CCDC83: variants seen among roughly 807,000 people sequenced by gnomAD.
CCDC83 encodes the protein coiled-coil domain-containing protein 83.
A neutral mutation model predicts 50.1 loss-of-function variants in CCDC83; 54 were observed. The ratio of observed to expected loss-of-function variants is 1.08; its 90% confidence interval spans 0.87 to 1.35. The LOEUF (loss-of-function observed/expected upper bound fraction) is 1.35, where lower values mean the gene tolerates loss of function less well. CCDC83 is among the 40% of genes most tolerant of loss of function. CCDC83 has a pLI of 0.00. For synonymous variants in CCDC83, 161 were observed against 153.3 expected (o/e 1.05, Z -0.37); for missense variants, 518 against 473.9 (o/e 1.09, Z -0.86).
chr11:85,915,441 G>T lies in CCDC83; in HGVS notation c.817G>T (p.Ala273Ser), dbSNP rs1176940489. ...TAGGCGACTATATCTTACCCAAGCT[G>T]CTGGACTAGAAGTGCCACCTGAAGA... ...IPRRLYLTQA[A>S]GLEVPPEEMS... Residue 273 changes from alanine to serine, a missense_variant, in exon 9 of 11, where the codon GCT (alanine) becomes TCT (serine). Ala to Ser is a moderately conservative substitution (Grantham distance 99). Coordinates refer to ENST00000342404, the MANE Select transcript of CCDC83 (RefSeq NM_001286159.2). The T allele has an allele frequency of 6.2e-7, 1 of 1,613,068 alleles. No individual in the cohort carries two copies. Among genetic ancestry groups the T allele is most frequent in the Non-Finnish European group, 8.5e-7 (1 of 1,179,588 alleles).
Position 85,862,514 on chromosome 11 carries a change from G to A in CCDC83, c.-28-2582G>A, listed in dbSNP as rs141548140. On this transcript the variant is annotated intron_variant, in intron 1 of 10. Coordinates refer to ENST00000342404, the MANE Select transcript of CCDC83 (RefSeq NM_001286159.2). Reference sequence around the variant, plus strand: ...CTGTCTTCCTATCTGTCTGAGAAGGGTCTTGCCTCATCTATACTTTATAAT... The same window carrying A: ...CTGTCTTCCTATCTGTCTGAGAAGGATCTTGCCTCATCTATACTTTATAAT... Among the ~76,000 whole-genome samples the A allele has an allele frequency of 2.3e-3, 343 of 152,290 alleles. 1 individual carries two copies. The highest frequency in any genetic ancestry group is 7.8e-3 in the African/African-American group (325 of 41,548).
intron 1 of CCDC83, among the ~76,000 whole-genome samples, chr11:85,856,234 G>A (rs946047023): frequency 1.3e-5 from 2 of 151,748 alleles, no homozygotes; most frequent in East Asian, 3.9e-4. Context: ...ATGACAGAGG[G>A]GAAAAATAAT....
intron 4 of CCDC83, among the ~76,000 whole-genome samples, chr11:85,884,859 TAG>T (rs2093318902): frequency 6.6e-6 from 1 of 152,234 alleles, no homozygotes; most frequent in Non-Finnish European, 1.5e-5. Context: ...ATCTGGCTTA[TAG>T]TAGTACTGAT....
chr11:85,871,025 G>A (rs948106618), intron 2 of CCDC83, among the ~76,000 whole-genome samples: 1 of 152,076 alleles, frequency 6.6e-6, no homozygotes, highest in African/African-American at 2.4e-5. Flanking sequence ...AAATTAGCTG[G>A]GTGTGGTGGC....
Position 85,892,954 on chromosome 11 carries a change from G to A in CCDC83, c.512-2339G>A, listed in dbSNP as rs535552482. The stretch of plus-strand genomic sequence containing the variant: ...AACTCCAAAAACCTAATGAATTCTT[G>A]CTTATGAACTACTGCCTCACTCTAG... On this transcript the variant is annotated intron_variant, in intron 5 of 10. Coordinates refer to ENST00000342404, the MANE Select transcript of CCDC83 (RefSeq NM_001286159.2). 1.3e-5 allele frequency among the ~76,000 whole-genome samples: 2 copies of A among 152,260 alleles called. 1 individual carries two copies. The highest frequency in any genetic ancestry group is 2.9e-5 in the Non-Finnish European group (2 of 68,016).
At position 85,865,467 on chromosome 11, in the gene CCDC83, T is replaced by C. The variant is rs551615812; in HGVS notation, c.95+249T>C. 2.0e-5 allele frequency among the ~76,000 whole-genome samples: 3 copies of C among 152,394 alleles called. No homozygotes were observed. The South Asian group carries it at 6.2e-4, about 32-fold the overall frequency. On this transcript the variant is annotated intron_variant, in intron 2 of 10. Transcript: ENST00000342404. ...TTATGAAATGAAATGAGAGCTGCTA[T>C]GAAACAGCTTTCATTGATGTACTAT...
chr11:85,891,925 C>T (rs56996745), intron 5 of CCDC83, among the ~76,000 whole-genome samples: 2 of 152,112 alleles, frequency 1.3e-5, no homozygotes, highest in African/African-American at 4.8e-5. Context: ...TTCAAATAGT[C>T]CCCCTGAATC....
chr11:85,898,041 C>G (rs2135090556), intron 6 of CCDC83, among the ~76,000 whole-genome samples: 2 of 151,870 alleles, frequency 1.3e-5, no homozygotes, highest in African/African-American at 4.8e-5. Flanking sequence ...GCCTGTAATC[C>G]CAGCTACTCA....
chr11:85,897,286 T>C (rs1403057597), intron 6 of CCDC83, among the ~76,000 whole-genome samples: 1 of 152,234 alleles, frequency 6.6e-6, no homozygotes, highest in Non-Finnish European at 1.5e-5. Flanking sequence ...AGAAGTTTTA[T>C]GACTTGCCTA....
At chr11:85,908,979 G>A (rs1452254303) in intron 7 of CCDC83, among the ~76,000 whole-genome samples, 8 of 152,106 alleles carry the variant, frequency 5.3e-5, no homozygotes, top group Non-Finnish European at 1.2e-4. Context: ...TGTCACCTGG[G>A]CTGAAGTGTC....
At chr11:85,881,982 G>T (rs1369393048) in intron 3 of CCDC83, among the ~76,000 whole-genome samples, 1 of 152,004 alleles carries the variant, frequency 6.6e-6, no homozygotes, top group African/African-American at 2.4e-5. Flanking sequence ...TTTCAGTCCT[G>T]CCCTCTTTCT....
intron 8 of CCDC83, 92 bp from the exon 9 acceptor site, chr11:85,915,327 A>C: frequency 1.1e-6 from 1 of 884,254 alleles, no homozygotes; most frequent in South Asian, 1.6e-5. Flanking sequence ...TCATCTATGC[A>C]TTTCTAGCAC....
chr11:85,902,500 C>T (rs1307532851), intron 7 of CCDC83, among the ~76,000 whole-genome samples: 4 of 152,122 alleles, frequency 2.6e-5, no homozygotes, highest in Admixed American at 2.0e-4. Context: ...AAAAGCATCC[C>T]GTCCAAGTTG....
chr11:85,917,227 AAAGAAAAG>A (rs1199517472), intron 10 of CCDC83, among the ~76,000 whole-genome samples: 1 of 150,128 alleles, frequency 6.7e-6, no homozygotes, highest in African/African-American at 2.5e-5. Flanking sequence ...AGAAAGAAAG[AAAGAAAAG>A]AAAGAAAGAG....
intron 8 of CCDC83, chr11:85,912,524 T>C (rs555203234): frequency 2.9e-6 from 2 of 690,402 alleles, no homozygotes; most frequent in South Asian, 1.7e-5. Flanking sequence ...TGAATGAGGA[T>C]TGATTACTGA....
intron 1 of CCDC83, among the ~76,000 whole-genome samples, chr11:85,863,794 CA>C (rs1566067973): frequency 1.3e-5 from 2 of 152,214 alleles, no homozygotes; most frequent in African/African-American, 4.8e-5. Context: ...TTGCAGAAGG[CA>C]GCCATTCTAT....
chr11:85,901,871 A>G (rs1371035604), intron 7 of CCDC83, among the ~76,000 whole-genome samples: 1 of 131,610 alleles, frequency 7.6e-6, no homozygotes, highest in Admixed American at 7.4e-5. Context: ...TCTACAAAAA[A>G]TAAAAAAAAA....
chr11:85,909,952 CTT>C (rs953987727), intron 7 of CCDC83, among the ~76,000 whole-genome samples: 2 of 152,178 alleles, frequency 1.3e-5, no homozygotes, highest in African/African-American at 4.8e-5. Flanking sequence ...AAACCAGACT[CTT>C]TAGCATTATT....
chr11:85,912,448 G>T (rs1488465504), intron 8 of CCDC83, among the ~76,000 whole-genome samples: 1 of 152,172 alleles, frequency 6.6e-6, no homozygotes, highest in Non-Finnish European at 1.5e-5. Context: ...GAGGCCATCT[G>T]CCCCCTTTGC....
Sources: allele counts gnomAD v4.1 joint callset (sites outside exome capture counted in the v4.1 genomes callset), GRCh38; gene constraint gnomAD v4.1.1; transcripts MANE v1.5; gene names NCBI Gene and HGNC (gene_info 2026-07-23, HGNC 2026-07-21).